Variants in IMPG1 observed in about 807,000 individuals in gnomAD.
The protein encoded by IMPG1 is interphotoreceptor matrix proteoglycan of 150 kDa.
IMPG1 carries 85 observed loss-of-function variants against 92.0 expected under a neutral mutation model. The observed-to-expected ratio is 0.92, with a 90% CI of 0.78 to 1.11. The LOEUF (loss-of-function observed/expected upper bound fraction) is 1.11. IMPG1 is among the 50% of genes least tolerant of loss of function. IMPG1 has a pLI of 0.00. For synonymous variants in IMPG1, 367 were observed against 334.1 expected (o/e 1.10, Z -1.08); for missense variants, 1,022 against 956.0 (o/e 1.07, Z -0.91).
chr6:75,957,165 G>A (rs1014512178), intron 12 of IMPG1, among the ~76,000 whole-genome samples: 4 of 152,080 alleles, frequency 2.6e-5, no homozygotes, highest in African/African-American at 4.8e-5. Context: ...TGATCCACTC[G>A]CCTCGGCTTC....
intron 1 of IMPG1, among the ~76,000 whole-genome samples, chr6:76,066,971 C>T (rs1021166107): frequency 5.3e-5 from 8 of 151,772 alleles, no homozygotes; most frequent in Non-Finnish European, 1.0e-4. Context: ...ACAAAATTAA[C>T]ACGGAAATTA....
rs1204706925 is a variant in IMPG1, at chr6:75,947,333, G to A, written c.2025C>T (p.Tyr675=). 1.2e-6 allele frequency: 2 copies of A among 1,613,414 alleles called. No individual in the cohort carries two copies. The highest frequency in any genetic ancestry group is 1.1e-5 in the South Asian group (1 of 91,066). ...AQQLHLEIDS[Y]SLNIEPADQA... is the part of the protein sequence containing the mutation. ...TTTTACCTGGTTCAATGTTGAGAGA[G>A]TAGCTGTCTATTTCCAGATGGAGTT... Residue 675 remains tyrosine, a synonymous_variant, in exon 14 of 17, where the codon TAC becomes TAT. Coordinates refer to ENST00000369950, the MANE Select transcript of IMPG1 (RefSeq NM_001563.4).
intron 14 of IMPG1, among the ~76,000 whole-genome samples, chr6:75,934,459 G>A (rs567057745): frequency 6.6e-6 from 1 of 152,172 alleles, no homozygotes; most frequent in East Asian, 1.9e-4. Context: ...GTACTGAAAA[G>A]CAATCCCAAT....
intron 2 of IMPG1, among the ~76,000 whole-genome samples, chr6:76,035,021 T>C (rs1011045115): frequency 6.6e-6 from 1 of 151,886 alleles, no homozygotes; most frequent in Admixed American, 6.6e-5. Flanking sequence ...TGTGTGCGTG[T>C]GTGTGTGTGT....
chr6:75,921,866 T>G lies in IMPG1; in HGVS notation c.*223A>C, dbSNP rs530675132. ...AATAGTAAAAATATGTTTCGCTGAT[T>G]GCATTTGGGGTTTTAATAATAAGTA... is the stretch of plus-strand genomic sequence containing the variant. On this transcript the variant is annotated 3_prime_UTR_variant, in exon 17 of 17. Coordinates refer to ENST00000369950, the MANE Select transcript of IMPG1 (RefSeq NM_001563.4). 3.7e-5 allele frequency: 14 copies of G among 373,558 alleles called. No homozygotes were observed. The East Asian group carries it at 7.2e-4, about 19-fold the overall frequency. 23.1% of individuals were successfully genotyped at this position (373,558 alleles called of 1,614,324 possible).
At chr6:75,976,151 A>G (rs1782528654) in intron 12 of IMPG1, among the ~76,000 whole-genome samples, 2 of 152,206 alleles carry the variant, frequency 1.3e-5, no homozygotes, top group Non-Finnish European at 2.9e-5. Context: ...AAAATCTTCA[A>G]TATGTGTTCA....
chr6:76,021,796 T>TCC (rs1285649935), intron 6 of IMPG1, among the ~76,000 whole-genome samples: 3 of 140,426 alleles, frequency 2.1e-5, no homozygotes, highest in African/African-American at 7.7e-5. Flanking sequence ...TATATATATA[T>TCC]ATATATGGTT....
chr6:75,925,241 G>A (rs932862907), intron 15 of IMPG1, among the ~76,000 whole-genome samples: 1 of 146,746 alleles, frequency 6.8e-6, no homozygotes, highest in Non-Finnish European at 1.5e-5. Flanking sequence ...ATGTACAATT[G>A]TGTGTCAGTT....
intron 12 of IMPG1, among the ~76,000 whole-genome samples, chr6:75,982,541 A>ATATCTATCTATCTATC (rs145538984): frequency 0.011 from 1,649 of 146,682 alleles, 41 homozygotes; most frequent in African/African-American, 0.034. Flanking sequence ...AAAAATGTGT[A>ATATCTATCTATCTATC]TATCTATCTA....
At chr6:76,038,794 T>C (rs1489357370) in intron 2 of IMPG1, among the ~76,000 whole-genome samples, 1 of 152,210 alleles carries the variant, frequency 6.6e-6, no homozygotes, top group Admixed American at 6.5e-5. Context: ...TCAGCTTCTC[T>C]GTCAAAGGTC....
chr6:75,971,671 A>G (rs1423555391), intron 12 of IMPG1, among the ~76,000 whole-genome samples: 2 of 152,218 alleles, frequency 1.3e-5, no homozygotes, highest in Non-Finnish European at 2.9e-5. Context: ...TCAGGAAAAA[A>G]TGTGAAAAAC....
At chr6:76,070,695 A>G (rs908820728) in intron 1 of IMPG1, among the ~76,000 whole-genome samples, 1 of 152,160 alleles carries the variant, frequency 6.6e-6, no homozygotes, top group African/African-American at 2.4e-5. Flanking sequence ...CTGCTCTCTT[A>G]AGTGAAATAA....
intron 4 of IMPG1, among the ~76,000 whole-genome samples, chr6:76,030,373 A>G (rs960556255): frequency 3.3e-5 from 5 of 152,110 alleles, no homozygotes; most frequent in African/African-American, 1.2e-4. Flanking sequence ...AGGAAACCAG[A>G]GATGCTTGCT....
At chr6:75,936,453 T>C (rs2149452286) in intron 14 of IMPG1, among the ~76,000 whole-genome samples, 1 of 152,338 alleles carries the variant, frequency 6.6e-6, no homozygotes, top group Admixed American at 6.5e-5. Flanking sequence ...GAATATTCAA[T>C]GATAAATAGC....
intron 14 of IMPG1, chr6:75,934,947 T>C: frequency 2.1e-6 from 1 of 471,598 alleles, no homozygotes; most frequent in Non-Finnish European, 4.4e-6. Flanking sequence ...GTGATACATC[T>C]CCTTTGATTG....
intron 1 of IMPG1, among the ~76,000 whole-genome samples, chr6:76,044,615 G>T (rs1334133131): frequency 6.6e-6 from 1 of 152,128 alleles, no homozygotes; most frequent in Admixed American, 6.5e-5. Context: ...CCTGGCTCTG[G>T]GAACAATGTT....
At chr6:75,938,541 G>A (rs1781785218) in intron 14 of IMPG1, among the ~76,000 whole-genome samples, 1 of 152,214 alleles carries the variant, frequency 6.6e-6, no homozygotes, top group Admixed American at 6.5e-5. Context: ...GGCCAGATGT[G>A]GTGGCTCATG....
At chr6:76,019,240 A>G (rs960474) in intron 6 of IMPG1, among the ~76,000 whole-genome samples, 12,874 of 152,154 alleles carry the variant, frequency 0.085, 714 homozygotes, top group South Asian at 0.12. Flanking sequence ...TGGTCTGGAA[A>G]CCAGCAGGGG....
chr6:75,933,400 C>G (rs1256392637), intron 14 of IMPG1, among the ~76,000 whole-genome samples: 1 of 152,116 alleles, frequency 6.6e-6, no homozygotes, highest in Non-Finnish European at 1.5e-5. Flanking sequence ...TGATCCTGTA[C>G]CACATTTAAT....
Sources: gnomAD v4.1 joint callset for allele counts (sites outside exome capture counted in the v4.1 genomes callset) on GRCh38, gnomAD v4.1.1 for gene constraint, MANE v1.5 for transcripts, NCBI Gene and HGNC (gene_info 2026-07-23, HGNC 2026-07-21) for gene names.